The following PRKCE variants were observed in gnomAD, a reference collection of about 807,000 sequenced individuals.
The protein encoded by PRKCE is protein kinase C epsilon type.
PRKCE carries 16 observed loss-of-function variants against 85.4 expected under a neutral mutation model. That is an observed-to-expected ratio of 0.19 (90% CI 0.13 to 0.28). The LOEUF (loss-of-function observed/expected upper bound fraction) is 0.28. Among genes scored for constraint, PRKCE ranks in the 10% least tolerant of loss-of-function variants. PRKCE has a pLI of 1.00. For synonymous variants in PRKCE, 388 were observed against 371.5 expected (o/e 1.04, Z -0.51); for missense variants, 573 against 975.2 (o/e 0.59, Z 5.49).
chr2:45,721,491 G>A (rs1680614922), intron 1 of PRKCE, among the ~76,000 whole-genome samples: 1 of 152,156 alleles, frequency 6.6e-6, no homozygotes, highest in Admixed American at 6.5e-5. Context: ...AGATTTGGTG[G>A]AAGACATGGG....
In PRKCE at chr2:46,038,678, C is replaced by CACACAA. The variant is rs1279417165; in HGVS notation, c.1437+28166_1437+28167insAACACA. On this transcript the variant is annotated intron_variant, in intron 10 of 14. Transcript: ENST00000306156. ...ACACACACACACACACACACACACA[C>CACACAA]ACACACACACACACACACACACACA... is the stretch of plus-strand genomic sequence containing the variant. 3.3e-5 allele frequency among the ~76,000 whole-genome samples: 5 copies of CACACAA among 151,496 alleles called. 1 individual carries two copies. The highest frequency in any genetic ancestry group is 1.2e-4 in the African/African-American group (5 of 41,210).
rs1183524198 is a variant in PRKCE at position 45,980,281 on chromosome 2, C to T, written c.608-15C>T. The T allele has an allele frequency of 1.3e-6, 2 of 1,599,078 alleles. No individual in the cohort carries two copies. The highest frequency in any genetic ancestry group is 1.7e-6 in the Non-Finnish European group (2 of 1,179,504). The stretch of plus-strand genomic sequence containing the variant: ...CCTGAGTGTCATTCAGCCTTCCTGT[C>T]TTTGCTATTTGCAGTCTGCACCTGC... On this transcript the variant is annotated splice_polypyrimidine_tract_variant and intron_variant, in intron 4 of 14. Transcript: ENST00000306156.
At chr2:46,144,893 G>A (rs1283980163) in intron 11 of PRKCE, among the ~76,000 whole-genome samples, 200 bp from the exon 12 acceptor site, 1 of 152,158 alleles carries the variant, frequency 6.6e-6, no homozygotes, top group African/African-American at 2.4e-5. Context: ...CCTCCCTCTT[G>A]CTGAAGAAAG....
chr2:46,090,755 T>C (rs1030494223), intron 11 of PRKCE, among the ~76,000 whole-genome samples: 6 of 151,980 alleles, frequency 3.9e-5, no homozygotes, highest in Non-Finnish European at 7.4e-5. Context: ...TGCAAAAGGC[T>C]CTGTGGGGAG....
chr2:45,858,286 T>G (rs1399431955), intron 2 of PRKCE, among the ~76,000 whole-genome samples: 13 of 152,240 alleles, frequency 8.5e-5, no homozygotes, highest in Admixed American at 8.5e-4. Context: ...TTTTTAAACA[T>G]AAATCAAACC....
At position 46,186,969 on chromosome 2, in the gene PRKCE, ATTAAT is replaced by A. The variant is rs1163063044; in HGVS notation, c.*2097_*2101del. Reference sequence around the variant, plus strand: ...ACCAGTGAATGATGAAGAACATGAGATTAATTTAATTTATCTTCGGTAACTTGACA... The same window carrying A: ...ACCAGTGAATGATGAAGAACATGAGATTAATTTATCTTCGGTAACTTGACA... On this transcript the variant is annotated 3_prime_UTR_variant, in exon 15 of 15. Coordinates refer to ENST00000306156, the MANE Select transcript of PRKCE (RefSeq NM_005400.3). The A allele has an allele frequency of 2.0e-5, 3 of 152,482 alleles. No individual in the cohort carries two copies. Among genetic ancestry groups the A allele is most frequent in the African/African-American group, 7.3e-5 (3 of 41,328 alleles). 9.4% of individuals were successfully genotyped at this position (152,482 alleles called of 1,614,324 possible).
intron 10 of PRKCE, among the ~76,000 whole-genome samples, chr2:46,074,430 A>AAAAAAAAAAAAAAAAAAAAAAAAAC (rs1668363747): frequency 1.1e-4 from 1 of 9,412 alleles, no homozygotes; most frequent in African/African-American, 3.0e-4. Context: ...AACAACAACC[A>AAAAAAAAAAAAAAAAAAAAAAAAAC]AAAAAAAAAA....
rs955139969 is a variant in PRKCE, at chr2:46,122,151, G to A, written c.1593-22942G>A. Among the ~76,000 whole-genome samples the A allele has an allele frequency of 3.9e-4, 60 of 152,290 alleles. 2 individuals carry two copies. In the Middle Eastern group the frequency reaches 0.021, roughly 52 times the overall value. On this transcript the variant is annotated intron_variant, in intron 11 of 14. Transcript: ENST00000306156. ...TTCCAGTCAGTGCTCCCCACTGCCC[G>A]GAGAGGTAGCCACCATTCTGCCAAT...
chr2:46,072,437 G>A (rs1403642234), intron 10 of PRKCE, among the ~76,000 whole-genome samples: 1 of 152,204 alleles, frequency 6.6e-6, no homozygotes, highest in Non-Finnish European at 1.5e-5. Flanking sequence ...TCATGAAATG[G>A]TTTACTTGGT....
intron 6 of PRKCE, among the ~76,000 whole-genome samples, chr2:45,998,390 G>A (rs930050315): frequency 3.3e-5 from 5 of 152,230 alleles, no homozygotes; most frequent in South Asian, 2.1e-4. Context: ...TAAAAATTAC[G>A]TCTTTTTTGA....
intron 1 of PRKCE, among the ~76,000 whole-genome samples, chr2:45,779,545 C>T (rs954768243): frequency 6.7e-6 from 1 of 148,830 alleles, no homozygotes; most frequent in African/African-American, 2.5e-5. Context: ...CATTTGTGAA[C>T]TGAGAAGTAA....
At chr2:45,717,197 A>T (rs2104425960) in intron 1 of PRKCE, among the ~76,000 whole-genome samples, 1 of 152,346 alleles carries the variant, frequency 6.6e-6, no homozygotes, top group African/African-American at 2.4e-5. Flanking sequence ...TGATAGAATT[A>T]CAGTGAAGGA....
At chr2:46,063,819 CAA>C (rs1161610478) in intron 10 of PRKCE, among the ~76,000 whole-genome samples, 1 of 152,206 alleles carries the variant, frequency 6.6e-6, no homozygotes, top group Non-Finnish European at 1.5e-5. Flanking sequence ...ATTTTCCTAT[CAA>C]AGTCATTTAA....
intron 1 of PRKCE, among the ~76,000 whole-genome samples, chr2:45,757,960 C>T (rs1684147581): frequency 6.6e-6 from 1 of 152,142 alleles, no homozygotes. Context: ...GATGTAGGAT[C>T]CAAGTGACTT....
chr2:46,168,305 A>C (rs546552947), intron 14 of PRKCE, among the ~76,000 whole-genome samples: 2 of 152,324 alleles, frequency 1.3e-5, no homozygotes, highest in African/African-American at 4.8e-5. Context: ...CTGCACTTGA[A>C]GTAACACACA....
chr2:45,749,307 T>C (rs2104728259), intron 1 of PRKCE, among the ~76,000 whole-genome samples: 1 of 152,354 alleles, frequency 6.6e-6, no homozygotes, highest in South Asian at 2.1e-4. Context: ...GAAGAATAAA[T>C]GCTATAAGCA....
intron 10 of PRKCE, among the ~76,000 whole-genome samples, chr2:46,012,305 C>CT (rs111284355): frequency 0.013 from 1,968 of 146,264 alleles, 32 homozygotes; most frequent in African/African-American, 0.041. Flanking sequence ...TTTTCTTTTC[C>CT]TTTTTTTTTT....
At chr2:45,934,369 C>T (rs1021548851) in intron 2 of PRKCE, among the ~76,000 whole-genome samples, 1 of 152,176 alleles carries the variant, frequency 6.6e-6, no homozygotes, top group Admixed American at 6.5e-5. Flanking sequence ...TTACTGTTGG[C>T]CAGGCATGGT....
chr2:45,703,481 T>A (rs929071096), intron 1 of PRKCE, among the ~76,000 whole-genome samples: 1 of 151,502 alleles, frequency 6.6e-6, no homozygotes, highest in Non-Finnish European at 1.5e-5. Context: ...GAGGCTGCAG[T>A]GAGCTGTGAT....
Sources: gnomAD v4.1 joint callset for allele counts (sites outside exome capture counted in the v4.1 genomes callset) on GRCh38, gnomAD v4.1.1 for gene constraint, MANE v1.5 for transcripts, NCBI Gene and HGNC (gene_info 2026-07-23, HGNC 2026-07-21) for gene names.